Variants in NRG3 observed in about 807,000 individuals in gnomAD.
The protein encoded by NRG3 is neuregulin 3, also known as pro-neuregulin-3, membrane-bound isoform.
In NRG3, 31 loss-of-function variants were observed where a neutral mutation model predicts 66.9. That is an observed-to-expected ratio of 0.46 (90% CI 0.35 to 0.63). NRG3 has a LOEUF of 0.63. NRG3 is among the 20% of genes least tolerant of loss of function. The pLI, the probability that NRG3 is intolerant of heterozygous loss-of-function variation, is 0.00. For synonymous variants in NRG3, 393 were observed against 359.4 expected (o/e 1.09, Z -1.06); for missense variants, 910 against 878.9 (o/e 1.04, Z -0.45).
intron 2 of NRG3, among the ~76,000 whole-genome samples, chr10:82,536,624 CT>C (rs1227085955): frequency 4.6e-5 from 7 of 151,582 alleles, no homozygotes; most frequent in African/African-American, 1.7e-4. Context: ...CTTGCTTGGA[CT>C]CAGAGATAAC....
At chr10:82,174,295 C>T (rs2072864534) in intron 1 of NRG3, among the ~76,000 whole-genome samples, 1 of 151,988 alleles carries the variant, frequency 6.6e-6, no homozygotes, top group South Asian at 2.1e-4. Context: ...TATCTTTTAT[C>T]CTCTATCCCT....
chr10:82,751,175 T>C (rs1304197261), intron 3 of NRG3, among the ~76,000 whole-genome samples: 3 of 152,152 alleles, frequency 2.0e-5, no homozygotes, highest in Admixed American at 6.6e-5. Flanking sequence ...AAGCTGTCAG[T>C]GGTCAATTAT....
intron 2 of NRG3, among the ~76,000 whole-genome samples, chr10:82,496,251 A>G (rs1389281010): frequency 1.3e-5 from 2 of 152,214 alleles, no homozygotes; most frequent in Non-Finnish European, 2.9e-5. Context: ...AGAAAAAGTA[A>G]TTGGCCTCCA....
intron 1 of NRG3, among the ~76,000 whole-genome samples, chr10:81,922,427 A>C (rs1846343282): frequency 6.6e-6 from 1 of 152,098 alleles, no homozygotes; most frequent in Admixed American, 6.6e-5. Flanking sequence ...CACCCTTCCA[A>C]GTTTCTAATG....
At chr10:82,206,646 T>C (rs1184358272) in intron 1 of NRG3, among the ~76,000 whole-genome samples, 1 of 152,202 alleles carries the variant, frequency 6.6e-6, no homozygotes, top group Non-Finnish European at 1.5e-5. Flanking sequence ...GGCTGTAATA[T>C]TTGCTTGCTT....
intron 2 of NRG3, among the ~76,000 whole-genome samples, chr10:82,604,964 G>A (rs2047871175): frequency 6.6e-6 from 1 of 152,014 alleles, no homozygotes; most frequent in South Asian, 2.1e-4. Context: ...TTCACAAATA[G>A]TTCTTTACTG....
intron 1 of NRG3, among the ~76,000 whole-genome samples, chr10:82,287,279 T>C (rs1337597984): frequency 6.6e-6 from 1 of 151,998 alleles, no homozygotes; most frequent in East Asian, 1.9e-4. Context: ...GCCCCACAAG[T>C]GCTCTTGTGC....
chr10:82,078,356 ATTG>A (rs2065206833), intron 1 of NRG3, among the ~76,000 whole-genome samples: 1 of 152,052 alleles, frequency 6.6e-6, no homozygotes, highest in Non-Finnish European at 1.5e-5. Flanking sequence ...TATCATTATT[ATTG>A]TTATTTTTCG....
intron 3 of NRG3, among the ~76,000 whole-genome samples, chr10:82,759,884 A>T (rs1256428313): frequency 2.0e-5 from 3 of 152,146 alleles, no homozygotes; most frequent in African/African-American, 7.2e-5. Flanking sequence ...GGAAGGAAGG[A>T]TGGTAGGTAA....
chr10:82,443,852 A>G (rs2090568541), intron 2 of NRG3, among the ~76,000 whole-genome samples: 1 of 152,200 alleles, frequency 6.6e-6, no homozygotes, highest in Admixed American at 6.5e-5. Context: ...GATGTGATAA[A>G]CACAGAGTTC....
chr10:81,941,632 A>T (rs1388691348), intron 1 of NRG3, among the ~76,000 whole-genome samples: 1 of 152,150 alleles, frequency 6.6e-6, no homozygotes, highest in East Asian at 1.9e-4. Flanking sequence ...TAAGTTAAAG[A>T]AGAAAGAAAA....
chr10:82,514,477 CA>C (rs1377119230), intron 2 of NRG3, among the ~76,000 whole-genome samples: 2 of 152,116 alleles, frequency 1.3e-5, no homozygotes, highest in African/African-American at 4.8e-5. Flanking sequence ...TCAGGTTTGT[CA>C]AAGATCAAAT....
At chr10:82,544,624 G>A (rs1487444595) in intron 2 of NRG3, among the ~76,000 whole-genome samples, 2 of 152,138 alleles carry the variant, frequency 1.3e-5, no homozygotes, top group Non-Finnish European at 2.9e-5. Flanking sequence ...CAGCAGGAGG[G>A]TGAGAGACAT....
At chr10:81,905,333 C>G (rs926562090) in intron 1 of NRG3, among the ~76,000 whole-genome samples, 5 of 152,138 alleles carry the variant, frequency 3.3e-5, no homozygotes, top group Non-Finnish European at 5.9e-5. Flanking sequence ...TCCCATTCCT[C>G]TAGGTTTGTA....
At position 82,959,093 on chromosome 10, in the gene NRG3, A is replaced by C. The variant is rs1168617775; in HGVS notation, c.1284+18A>C. The C allele has an allele frequency of 5.7e-6, 9 of 1,578,448 alleles. No individual in the cohort carries two copies. Among genetic ancestry groups the C allele is most frequent in the Non-Finnish European group, 7.7e-6 (9 of 1,167,244 alleles). On this transcript the variant is annotated intron_variant, in intron 6 of 8. Coordinates refer to ENST00000372141, the MANE Select transcript of NRG3 (RefSeq NM_001010848.4). ...TGCAAAATGTAAGTGACATGTCTAC[A>C]CACCTCCTCCTATAGCCTACCTCAG...
intron 4 of NRG3, among the ~76,000 whole-genome samples, chr10:82,894,310 G>C (rs982998829): frequency 6.6e-6 from 1 of 152,148 alleles, no homozygotes; most frequent in Non-Finnish European, 1.5e-5. Context: ...TGATCATTTT[G>C]ATAGTAACAA....
intron 1 of NRG3, among the ~76,000 whole-genome samples, chr10:82,009,092 T>A (rs2061481016): frequency 6.6e-6 from 1 of 152,202 alleles, no homozygotes. Context: ...ATGTATCAAA[T>A]ATGTATTTTA....
At chr10:82,799,781 A>G (rs2060958500) in intron 3 of NRG3, 1 of 152,154 alleles carries the variant, frequency 6.6e-6, no homozygotes, top group African/African-American at 2.4e-5. Flanking sequence ...TACTGAGCAA[A>G]GAGGATAGTG....
At chr10:82,665,665 T>C (rs932204876) in intron 2 of NRG3, among the ~76,000 whole-genome samples, 2 of 152,186 alleles carry the variant, frequency 1.3e-5, no homozygotes, top group Middle Eastern at 3.2e-3. Context: ...TTTCTTTCTT[T>C]ATCCTGCTTA....
Sources: gnomAD v4.1 joint callset for allele counts (sites outside exome capture counted in the v4.1 genomes callset) on GRCh38, gnomAD v4.1.1 for gene constraint, MANE v1.5 for transcripts, NCBI Gene and HGNC (gene_info 2026-07-23, HGNC 2026-07-21) for gene names.